SIMC1: variants seen among roughly 807,000 people sequenced by gnomAD.
The protein encoded by SIMC1 is SUMO interacting motifs containing 1, also known as SUMO-interacting motif-containing protein 1.
A neutral mutation model predicts 82.3 loss-of-function variants in SIMC1; 55 were observed. That is an observed-to-expected ratio of 0.67 (90% CI 0.54 to 0.84). The LOEUF is 0.84. Among genes scored for constraint, SIMC1 ranks in the 40% least tolerant of loss-of-function variants. The pLI, the probability that SIMC1 is intolerant of heterozygous loss-of-function variation, is 0.00. For missense variants in SIMC1, 915 were observed against 1,107.2 expected, an observed-to-expected ratio of 0.83 and a Z score of 2.46; for synonymous variants, 353 against 426.3, an observed-to-expected ratio of 0.83 and a Z score of 2.12.
Position 176,315,289 on chromosome 5 carries a change from C to T in SIMC1, c.1889+1444C>T, listed in dbSNP as rs531485737. 6.6e-5 allele frequency among the ~76,000 whole-genome samples: 10 copies of T among 152,286 alleles called. No individual in the cohort carries two copies. In the South Asian group the frequency reaches 2.1e-3, roughly 32 times the overall value. ...ACAGGGGGCGGGGCTATGGTGCCAACCTCTGTCAAACAGTCGGCTCTCGAG... is the reference window on the plus strand; with the variant it reads ...ACAGGGGGCGGGGCTATGGTGCCAATCTCTGTCAAACAGTCGGCTCTCGAG... On this transcript the variant is annotated intron_variant, in intron 5 of 9. Coordinates refer to ENST00000429602, the MANE Select transcript of SIMC1 (RefSeq NM_001308195.2).
chr5:176,326,381 T>C (rs1274039928), intron 7 of SIMC1, among the ~76,000 whole-genome samples: 2 of 151,896 alleles, frequency 1.3e-5, no homozygotes, highest in Non-Finnish European at 2.9e-5. Flanking sequence ...ATTTGTTTTC[T>C]GTTTTTTTTT....
At chr5:176,312,490 C>T (rs913280617) in intron 4 of SIMC1, among the ~76,000 whole-genome samples, 3 of 131,416 alleles carry the variant, frequency 2.3e-5, no homozygotes, top group Admixed American at 9.4e-5. Context: ...GAGCCAAGAT[C>T]GCGCCACTGC....
chr5:176,244,775 G>T (rs1359633041), intron 1 of SIMC1, among the ~76,000 whole-genome samples: 7 of 136,356 alleles, frequency 5.1e-5, no homozygotes, highest in Non-Finnish European at 1.1e-4. Flanking sequence ...AGGCTGGAGT[G>T]CAATGGCGCA....
Position 176,345,433 on chromosome 5 carries a change from G to A in SIMC1, c.2664G>A (p.Trp888Ter), listed in dbSNP as rs1423076401. The A allele has an allele frequency of 6.2e-7, 1 of 1,612,948 alleles. No individual in the cohort carries two copies. Among genetic ancestry groups the A allele is most frequent in the South Asian group, 1.1e-5 (1 of 91,014 alleles). ...ATGCAGAGCCCTTTCAAAAGGGCTGGAGCGGCTCCTGAGGGCCTGCCAAGC... is the reference window on the plus strand; with the variant it reads ...ATGCAGAGCCCTTTCAAAAGGGCTGAAGCGGCTCCTGAGGGCCTGCCAAGC... ...NPDAEPFQKG[W>*]SGS Residue 888 changes from tryptophan (W) to a stop codon, truncating the protein, a stop_gained, in exon 10 of 10, where the codon TGG becomes TGA. Coordinates refer to ENST00000429602, the MANE Select transcript of SIMC1 (RefSeq NM_001308195.2). LOFTEE classifies it high-confidence loss of function.
chr5:176,328,124 A>G (rs1279201274), intron 7 of SIMC1, among the ~76,000 whole-genome samples: 1 of 152,132 alleles, frequency 6.6e-6, no homozygotes, highest in African/African-American at 2.4e-5. Context: ...CTGGTCTCGA[A>G]CTCCTGACCT....
chr5:176,285,634 C>T (rs1470125836), intron 1 of SIMC1, among the ~76,000 whole-genome samples: 1 of 151,394 alleles, frequency 6.6e-6, no homozygotes, highest in Admixed American at 6.6e-5. Flanking sequence ...GAAGTTCTGG[C>T]CAGGGCAATT....
At chr5:176,299,007 C>T (rs1481921898) in intron 4 of SIMC1, among the ~76,000 whole-genome samples, 1 of 152,292 alleles carries the variant, frequency 6.6e-6, no homozygotes, top group East Asian at 1.9e-4. Context: ...ATTAAAGTCC[C>T]CAATTAAAAG....
At chr5:176,342,545 C>T (rs764006463) in intron 9 of SIMC1, among the ~76,000 whole-genome samples, 1 of 152,184 alleles carries the variant, frequency 6.6e-6, no homozygotes, top group Non-Finnish European at 1.5e-5. Context: ...AGTCCAAGGT[C>T]GAGGGGCTGC....
At position 176,313,657 on chromosome 5, in the gene SIMC1, A is replaced by G. The variant is rs201494839; in HGVS notation, c.1735-34A>G. ...GTTGACTGTCATCCAAGAGACTGAG[A>G]AGAAAGACTGACTTCTCATTCTTTT... On this transcript the variant is annotated intron_variant, in intron 4 of 9. Transcript: ENST00000429602. 158 of 1,610,998 alleles carry G rather than the reference A, an allele frequency of 9.8e-5. No homozygotes were observed. The African/African-American group carries it at 1.9e-3, about 20-fold the overall frequency.
At position 176,264,170 on chromosome 5, in the gene SIMC1, G is replaced by A. The variant is rs527986893; in HGVS notation, c.130-25484G>A. Among the ~76,000 whole-genome samples, 50 of 152,376 alleles carry A rather than the reference G, an allele frequency of 3.3e-4. 1 individual carries two copies. The highest frequency in any genetic ancestry group is 1.2e-3 in the African/African-American group (49 of 41,586). ...GGCTACTCCCACAGGTGGGAGTTGG[G>A]CCTTTGGCCTTTCCAGGCTGAAAAT... On this transcript the variant is annotated intron_variant, in intron 1 of 9. Coordinates refer to ENST00000429602, the MANE Select transcript of SIMC1 (RefSeq NM_001308195.2).
At chr5:176,319,424 C>T (rs1765061243) in intron 5 of SIMC1, among the ~76,000 whole-genome samples, 1 of 152,006 alleles carries the variant, frequency 6.6e-6, no homozygotes, top group South Asian at 2.1e-4. Context: ...GTCCCAGCTA[C>T]TGGAGAGGCT....
At position 176,307,405 on chromosome 5, in the gene SIMC1, A is replaced by G. The variant is rs181750121; in HGVS notation, c.1735-6286A>G. Among the ~76,000 whole-genome samples, 349 of 152,256 alleles carry G rather than the reference A, an allele frequency of 2.3e-3. 3 individuals carry two copies. The highest frequency in any genetic ancestry group is 8.1e-3 in the African/African-American group (335 of 41,540). On this transcript the variant is annotated intron_variant, in intron 4 of 9. Coordinates refer to ENST00000429602, the MANE Select transcript of SIMC1 (RefSeq NM_001308195.2). The stretch of plus-strand genomic sequence containing the variant: ...ATTTAATGATAATGTGGTTTTTGTA[A>G]CAATTGTTTTTTTGAGACAGAGTCT...
At chr5:176,242,036 A>G (rs1561666475) in intron 1 of SIMC1, among the ~76,000 whole-genome samples, 1 of 152,138 alleles carries the variant, frequency 6.6e-6, no homozygotes, top group Non-Finnish European at 1.5e-5. Flanking sequence ...CCTACACATG[A>G]TTAAACAAGT....
intron 1 of SIMC1, among the ~76,000 whole-genome samples, chr5:176,269,544 A>G (rs1416068559): frequency 6.6e-6 from 1 of 152,230 alleles, no homozygotes; most frequent in Non-Finnish European, 1.5e-5. Flanking sequence ...CCTTTCCTGC[A>G]AAGCAAATTT....
chr5:176,339,922 G>T (rs1213096755), intron 9 of SIMC1, among the ~76,000 whole-genome samples: 1 of 152,168 alleles, frequency 6.6e-6, no homozygotes, highest in East Asian at 1.9e-4. Context: ...CTTACTGTGA[G>T]GGCCCTTCGT....
At chr5:176,314,822 C>G (rs1445260108) in intron 5 of SIMC1, among the ~76,000 whole-genome samples, 1 of 152,152 alleles carries the variant, frequency 6.6e-6, no homozygotes, top group African/African-American at 2.4e-5. Context: ...TCAGTAGAAA[C>G]TATACCTCAA....
At chr5:176,308,698 T>A (rs1167794064) in intron 4 of SIMC1, 1 of 1,507,464 alleles carries the variant, frequency 6.6e-7, no homozygotes, top group East Asian at 2.3e-5. Flanking sequence ...TATGAGAGAA[T>A]CGAAATCCCA....
At chr5:176,335,273 C>CTTTT (rs1225021593) in intron 7 of SIMC1, among the ~76,000 whole-genome samples, 58 of 98,640 alleles carry the variant, frequency 5.9e-4, no homozygotes, top group East Asian at 6.9e-4. Context: ...TTCTTTGTAT[C>CTTTT]TTTTTTTTTT....
intron 1 of SIMC1, among the ~76,000 whole-genome samples, chr5:176,279,824 C>T (rs1485069036): frequency 1.3e-5 from 2 of 152,022 alleles, no homozygotes; most frequent in Non-Finnish European, 2.9e-5. Context: ...TTTGATTGCA[C>T]TGTGGTCTGA....
Sources: gnomAD v4.1 joint callset for allele counts (sites outside exome capture counted in the v4.1 genomes callset) on GRCh38, gnomAD v4.1.1 for gene constraint, MANE v1.5 for transcripts, NCBI Gene and HGNC (gene_info 2026-07-23, HGNC 2026-07-21) for gene names.